Variants in SBF2 observed in about 807,000 individuals in gnomAD.
SBF2 encodes SET binding factor 2.
A neutral mutation model predicts 225.2 loss-of-function variants in SBF2; 112 were observed. The observed-to-expected ratio is 0.50, with a 90% CI of 0.43 to 0.58. SBF2 has a LOEUF of 0.58. SBF2 is among the 20% of genes least tolerant of loss of function. SBF2 has a pLI of 0.00. For missense variants in SBF2, 1,996 were observed against 2,206.2 expected (o/e 0.90, Z 1.91); for synonymous variants, 763 against 773.3 (o/e 0.99, Z 0.22).
At chr11:10,121,314 C>G (rs1450958043) in intron 2 of SBF2, among the ~76,000 whole-genome samples, 2 of 152,190 alleles carry the variant, frequency 1.3e-5, no homozygotes, top group African/African-American at 2.4e-5. Flanking sequence ...TCTAAGACAG[C>G]CTGCTTCTGT....
chr11:9,786,354 G>A (rs1018865059), intron 36 of SBF2, among the ~76,000 whole-genome samples: 3 of 152,098 alleles, frequency 2.0e-5, no homozygotes, highest in Non-Finnish European at 2.9e-5. Flanking sequence ...AACTTTCTGT[G>A]TGTTCTTTCA....
intron 2 of SBF2, among the ~76,000 whole-genome samples, chr11:10,178,727 C>A (rs1956586231): frequency 6.9e-6 from 1 of 143,974 alleles, no homozygotes; most frequent in Admixed American, 7.0e-5. Context: ...GAAATAGGAA[C>A]ACTTTTACAC....
At chr11:9,858,514 T>A in intron 17 of SBF2, 118 bp from the exon 18 acceptor site, 1 of 1,060,576 alleles carries the variant, frequency 9.4e-7, no homozygotes, top group Non-Finnish European at 1.4e-6. Context: ...AAGAATATCG[T>A]ATGGTAGTAC....
chr11:10,149,070 A>C (rs1308417893), intron 2 of SBF2: 2 of 152,246 alleles, frequency 1.3e-5, no homozygotes, highest in Non-Finnish European at 2.9e-5. Flanking sequence ...AAATTCCATC[A>C]GAATCATAGC....
At chr11:9,955,288 C>T (rs1045885190) in intron 16 of SBF2, among the ~76,000 whole-genome samples, 1 of 151,824 alleles carries the variant, frequency 6.6e-6, no homozygotes, top group Non-Finnish European at 1.5e-5. Flanking sequence ...TGTAAATATC[C>T]TTCCAGATTT....
chr11:10,224,756 T>G (rs981148119), intron 1 of SBF2, among the ~76,000 whole-genome samples: 2 of 152,176 alleles, frequency 1.3e-5, no homozygotes, highest in Non-Finnish European at 2.9e-5. Context: ...GAAAATAGAT[T>G]TTCCATTATC....
chr11:10,016,203 G>A (rs572787078), intron 6 of SBF2, among the ~76,000 whole-genome samples: 1 of 152,224 alleles, frequency 6.6e-6, no homozygotes, highest in South Asian at 2.1e-4. Flanking sequence ...TTGTGAAGAA[G>A]GGAGGCCTGC....
intron 2 of SBF2, among the ~76,000 whole-genome samples, chr11:10,158,157 C>T (rs571373386): frequency 7.9e-4 from 120 of 151,764 alleles, no homozygotes; most frequent in African/African-American, 2.8e-3. Context: ...AAAAAAATAA[C>T]GTATCAAACC....
chr11:9,975,577 T>G (rs553685652), intron 13 of SBF2, among the ~76,000 whole-genome samples: 4 of 152,308 alleles, frequency 2.6e-5, no homozygotes, highest in Non-Finnish European at 5.9e-5. Flanking sequence ...CTTCATGCAT[T>G]TGTCAAAACT....
intron 6 of SBF2, among the ~76,000 whole-genome samples, chr11:10,004,574 T>TAAAAAAAAAAAAAA (rs763688115): frequency 8.2e-5 from 7 of 85,522 alleles, no homozygotes; most frequent in Non-Finnish European, 1.1e-4. Flanking sequence ...CTACAAAAAT[T>TAAAAAAAAAAAAAA]AAAAAAAAAA....
intron 11 of SBF2, among the ~76,000 whole-genome samples, 179 bp downstream of exon 11, chr11:9,992,811 T>C (rs543518974): frequency 9.1e-6 from 1 of 109,708 alleles, no homozygotes; most frequent in Admixed American, 1.1e-4. Flanking sequence ...AGTTAACATA[T>C]TCTAAGATAT....
rs139374787 is a variant in SBF2 at position 10,097,386 on chromosome 11, C to A, written c.142-54405G>T. Among the ~76,000 whole-genome samples the A allele has an allele frequency of 4.6e-5, 7 of 152,308 alleles. No homozygotes were observed. The East Asian group carries it at 1.3e-3, about 29-fold the overall frequency. ...TTATAAAAGCACAAACGGGCTGACA[C>A]ATTGACACAATTTGGTTCTAGATTA... On this transcript the variant is annotated intron_variant, in intron 2 of 39. Coordinates refer to ENST00000256190, the MANE Select transcript of SBF2 (RefSeq NM_030962.4).
chr11:10,077,653 C>G (rs1384171017), intron 2 of SBF2, among the ~76,000 whole-genome samples: 2 of 152,210 alleles, frequency 1.3e-5, no homozygotes, highest in East Asian at 1.9e-4. Context: ...GGATTAAAGA[C>G]TTAAATGTTA....
At chr11:10,043,081 T>C in intron 2 of SBF2, 100 bp from the exon 3 acceptor site, 3 of 1,193,892 alleles carry the variant, frequency 2.5e-6, no homozygotes, top group Non-Finnish European at 3.6e-6. Flanking sequence ...AACAAATTCC[T>C]ACCTGATGTG....
intron 1 of SBF2, among the ~76,000 whole-genome samples, chr11:10,234,388 G>C (rs550852828): frequency 6.6e-6 from 1 of 152,186 alleles, no homozygotes; most frequent in East Asian, 1.9e-4. Flanking sequence ...TCATTTCACT[G>C]AATTGCTGGA....
chr11:10,286,810 T>C (rs1255619192), intron 1 of SBF2, among the ~76,000 whole-genome samples: 1 of 152,230 alleles, frequency 6.6e-6, no homozygotes, highest in Non-Finnish European at 1.5e-5. Flanking sequence ...CATACATTGC[T>C]AGTGAAAATG....
At chr11:10,172,623 G>A (rs763896188) in intron 2 of SBF2, among the ~76,000 whole-genome samples, 2 of 152,198 alleles carry the variant, frequency 1.3e-5, no homozygotes, top group African/African-American at 4.8e-5. Context: ...GAAGTGCTGG[G>A]ATTACAGGTG....
intron 6 of SBF2, among the ~76,000 whole-genome samples, chr11:10,025,384 A>T (rs1343974156): frequency 7.0e-6 from 1 of 143,340 alleles, no homozygotes; most frequent in African/African-American, 2.5e-5. Context: ...GCTTTATATA[A>T]AAAAAAAATC....
chr11:9,869,309 C>A (rs1234742074), intron 17 of SBF2, among the ~76,000 whole-genome samples: 1 of 152,048 alleles, frequency 6.6e-6, no homozygotes, highest in East Asian at 1.9e-4. Flanking sequence ...CATAAGAGTT[C>A]CCTGAAAATT....
Sources: allele counts gnomAD v4.1 joint callset (sites outside exome capture counted in the v4.1 genomes callset), GRCh38; gene constraint gnomAD v4.1.1; transcripts MANE v1.5; gene names NCBI Gene and HGNC (gene_info 2026-07-23, HGNC 2026-07-21).